The following CCDC148 variants were observed in gnomAD, a reference collection of about 807,000 sequenced individuals.
CCDC148 encodes the protein coiled-coil domain containing 148, also known as coiled-coil domain-containing protein 148.
A neutral mutation model predicts 85.7 loss-of-function variants in CCDC148; 89 were observed. The ratio of observed to expected loss-of-function variants is 1.04; its 90% CI spans 0.87 to 1.24. CCDC148 has a LOEUF of 1.24. Ranked by LOEUF, CCDC148 falls within the 50% of genes most tolerant of loss-of-function variation. CCDC148 has a pLI of 0.00. For missense variants in CCDC148, 692 were observed against 671.7 expected, an observed-to-expected ratio of 1.03 and a Z score of -0.33; for synonymous variants, 230 against 213.9, an observed-to-expected ratio of 1.08 and a Z score of -0.66.
intron 1 of CCDC148, among the ~76,000 whole-genome samples, chr2:158,416,088 T>C (rs1245303762): frequency 1.3e-5 from 2 of 152,318 alleles, no homozygotes; most frequent in East Asian, 3.9e-4. Flanking sequence ...TTCCAAGGCT[T>C]GTGGCTTACA....
Position 158,443,159 on chromosome 2 carries a change from T to A in CCDC148, c.25+13256A>T, listed in dbSNP as rs79905851. Among the ~76,000 whole-genome samples, 710 of 151,110 alleles carry A rather than the reference T, an allele frequency of 4.7e-3. 1 individual carries two copies. The highest frequency in any genetic ancestry group is 0.016 in the African/African-American group (648 of 41,174). On this transcript the variant is annotated intron_variant, in intron 1 of 13. Transcript: ENST00000283233. ...AGTAGGAGTAAAGGGGAAAGGCATA[T>A]CTTGAACAAAAAAAAACAAACAAAA... is the stretch of plus-strand genomic sequence containing the variant.
At chr2:158,280,821 T>C (rs1429090501) in intron 9 of CCDC148, among the ~76,000 whole-genome samples, 1 of 152,108 alleles carries the variant, frequency 6.6e-6, no homozygotes, top group Non-Finnish European at 1.5e-5. Context: ...GAACAGAATA[T>C]ACATTTTTTT....
chr2:158,400,455 G>A, intron 1 of CCDC148, among the ~76,000 whole-genome samples: 1 of 152,114 alleles, frequency 6.6e-6, no homozygotes, highest in Middle Eastern at 3.2e-3. Flanking sequence ...ACAAGAAAGG[G>A]AGAAAGGATC....
At chr2:158,275,471 G>C (rs1387446895) in intron 9 of CCDC148, among the ~76,000 whole-genome samples, 3 of 152,158 alleles carry the variant, frequency 2.0e-5, no homozygotes, top group African/African-American at 7.2e-5. Flanking sequence ...GTAATAATTA[G>C]GTTTTTCCTT....
At chr2:158,325,711 T>C (rs994537407) in intron 7 of CCDC148, among the ~76,000 whole-genome samples, 2 of 152,150 alleles carry the variant, frequency 1.3e-5, no homozygotes, top group African/African-American at 4.8e-5. Context: ...CAAAGCTTGC[T>C]TCACATACGG....
intron 7 of CCDC148, among the ~76,000 whole-genome samples, chr2:158,328,956 C>T (rs967200242): frequency 7.2e-5 from 11 of 151,980 alleles, no homozygotes; most frequent in South Asian, 2.1e-4. Context: ...TTCTCCCATT[C>T]TGTAGGTTGC....
intron 1 of CCDC148, among the ~76,000 whole-genome samples, chr2:158,428,257 G>T (rs1687167434): frequency 6.6e-6 from 1 of 152,088 alleles, no homozygotes; most frequent in Admixed American, 6.6e-5. Context: ...GGGGTCAAAA[G>T]ACTTAAGAGG....
chr2:158,375,158 A>G (rs1322005442), intron 1 of CCDC148, among the ~76,000 whole-genome samples: 2 of 152,088 alleles, frequency 1.3e-5, no homozygotes, highest in African/African-American at 2.4e-5. Context: ...AGAACCCCAG[A>G]GTCTGATCAC....
At chr2:158,297,493 G>A (rs1691245889) in intron 9 of CCDC148, among the ~76,000 whole-genome samples, 2 of 152,100 alleles carry the variant, frequency 1.3e-5, no homozygotes, top group South Asian at 4.2e-4. Context: ...TGGACCAGGA[G>A]AATGATGAAT....
intron 9 of CCDC148, among the ~76,000 whole-genome samples, chr2:158,308,833 C>T (rs1691821773): frequency 6.6e-6 from 1 of 152,170 alleles, no homozygotes; most frequent in Non-Finnish European, 1.5e-5. Flanking sequence ...TCCTCTATTT[C>T]CCTCTGAGCA....
intron 9 of CCDC148, among the ~76,000 whole-genome samples, chr2:158,273,985 C>T (rs941203628): frequency 6.6e-6 from 1 of 152,150 alleles, no homozygotes; most frequent in Non-Finnish European, 1.5e-5. Flanking sequence ...GGGCTCAGAG[C>T]CAAGGGTTAC....
chr2:158,450,042 C>A (rs1036815217), intron 1 of CCDC148, among the ~76,000 whole-genome samples: 2 of 150,714 alleles, frequency 1.3e-5, no homozygotes, highest in Non-Finnish European at 2.9e-5. Context: ...GTGGCAGTTC[C>A]TGACAAGATG....
intron 1 of CCDC148, among the ~76,000 whole-genome samples, chr2:158,413,006 T>C (rs1295958773): frequency 6.6e-6 from 1 of 151,944 alleles, no homozygotes; most frequent in African/African-American, 2.4e-5. Flanking sequence ...AATATAACTA[T>C]TAAAAATTAG....
chr2:158,380,238 A>T (rs774143386), intron 1 of CCDC148, among the ~76,000 whole-genome samples: 4 of 152,172 alleles, frequency 2.6e-5, no homozygotes, highest in Non-Finnish European at 5.9e-5. Flanking sequence ...CTTTAAAATT[A>T]GTGATCATAG....
In CCDC148 at chr2:158,345,323, A is replaced by C. The variant is rs1220822302; in HGVS notation, c.148-5T>G. 1.2e-6 allele frequency: 2 copies of C among 1,601,612 alleles called. No individual in the cohort carries two copies. On this transcript the variant is annotated splice_polypyrimidine_tract_variant and splice_region_variant and intron_variant, in intron 2 of 13. Transcript: ENST00000283233. ...AGTCAACATTGCTTTTCTGATCTAG[A>C]TTTAGAGGAACAAAAGAGGAGCAAC...
intron 11 of CCDC148, among the ~76,000 whole-genome samples, chr2:158,204,050 G>T (rs918072019): frequency 3.9e-5 from 6 of 152,176 alleles, no homozygotes; most frequent in Non-Finnish European, 8.8e-5. Flanking sequence ...CCTACCATTT[G>T]TCTAGTAGTG....
At chr2:158,349,386 A>C (rs936568180) in intron 2 of CCDC148, among the ~76,000 whole-genome samples, 1 of 151,996 alleles carries the variant, frequency 6.6e-6, no homozygotes, top group Non-Finnish European at 1.5e-5. Flanking sequence ...TTTAGAGAGA[A>C]TGTGTTAGCT....
intron 7 of CCDC148, 69 bp from the exon 8 acceptor site, chr2:158,313,963 A>T: frequency 1.4e-6 from 2 of 1,459,406 alleles, no homozygotes; most frequent in African/African-American, 2.8e-5. Flanking sequence ...CAAACTGTTC[A>T]AGCTACTAGC....
chr2:158,311,485 G>C (rs1692016732), intron 8 of CCDC148, among the ~76,000 whole-genome samples: 2 of 152,180 alleles, frequency 1.3e-5, no homozygotes, highest in African/African-American at 2.4e-5. Context: ...GAGGGAGAGG[G>C]GGAGACCGTG....
Sources: gnomAD v4.1 joint callset for allele counts (sites outside exome capture counted in the v4.1 genomes callset) on GRCh38, gnomAD v4.1.1 for gene constraint, MANE v1.5 for transcripts, NCBI Gene and HGNC (gene_info 2026-07-23, HGNC 2026-07-21) for gene names.